The following SYK variants were observed in gnomAD, a reference collection of about 807,000 sequenced individuals.
SYK encodes spleen associated tyrosine kinase.
SYK carries 16 observed loss-of-function variants against 77.8 expected under a neutral mutation model. The ratio of observed to expected loss-of-function variants is 0.21; its 90% confidence interval spans 0.14 to 0.31. SYK has a LOEUF of 0.31. Ranked by LOEUF, SYK falls within the 10% of genes least tolerant of loss-of-function variation. SYK has a pLI of 1.00. For synonymous variants in SYK, 312 were observed against 308.7 expected (o/e 1.01, Z -0.11); for missense variants, 529 against 814.4 (o/e 0.65, Z 4.26).
At chr9:90,810,502 G>A (rs1184706851) in intron 1 of SYK, among the ~76,000 whole-genome samples, 1 of 149,474 alleles carries the variant, frequency 6.7e-6, no homozygotes, top group Non-Finnish European at 1.5e-5. Flanking sequence ...AACTTGGGGG[G>A]ACACAATTCA....
intron 1 of SYK, among the ~76,000 whole-genome samples, chr9:90,817,988 A>C (rs992985275): frequency 6.6e-6 from 1 of 151,996 alleles, no homozygotes; most frequent in Non-Finnish European, 1.5e-5. Flanking sequence ...TCCTCTCTTC[A>C]ACACTCTAAG....
Position 90,862,248 on chromosome 9 carries a change from G to C in SYK, c.621G>C (p.Leu207=), listed in dbSNP as rs766905817. ...ACAACGGCTCCTACGCCCTGTGCCT[G>C]CTGCACGAAGGGAAGGTGCTGCACT... ...RDNNGSYALC[L]LHEGKVLHYR... is the part of the protein sequence containing the mutation. The change falls in exon 4 of 14, where the codon CTG becomes CTC. Residue 207 remains leucine, a synonymous_variant. Transcript: ENST00000375754. 1 of 1,614,062 alleles carries C rather than the reference G, an allele frequency of 6.2e-7. No individual in the cohort carries two copies. The highest frequency in any genetic ancestry group is 2.2e-5 in the East Asian group (1 of 44,878).
intron 1 of SYK, among the ~76,000 whole-genome samples, chr9:90,805,651 T>G (rs939122997): frequency 1.3e-5 from 2 of 152,272 alleles, no homozygotes; most frequent in Admixed American, 6.5e-5. Context: ...TTGGTTTGTC[T>G]TAACTGATAA....
chr9:90,866,055 C>A (rs942455234), intron 6 of SYK, among the ~76,000 whole-genome samples: 2 of 152,022 alleles, frequency 1.3e-5, no homozygotes, highest in Non-Finnish European at 2.9e-5. Flanking sequence ...CCCGCCACAA[C>A]ACCCGGCTAA....
At chr9:90,823,678 T>A (rs1825588179) in intron 1 of SYK, among the ~76,000 whole-genome samples, 2 of 151,944 alleles carry the variant, frequency 1.3e-5, no homozygotes, top group African/African-American at 4.8e-5. Flanking sequence ...CTCCAAAATC[T>A]AAAAAAATAT....
rs1292226869 is a variant in SYK, at chr9:90,843,840, T to C, written c.-41-18T>C. Reference sequence around the variant, plus strand: ...ACGTGGGGTCCTCACCAAAGTTCTCTGTCTCTGTCTTGCCCAGGTGGACAC... The same window carrying C: ...ACGTGGGGTCCTCACCAAAGTTCTCCGTCTCTGTCTTGCCCAGGTGGACAC... On this transcript the variant is annotated intron_variant, in intron 1 of 13. Coordinates refer to ENST00000375754, the MANE Select transcript of SYK (RefSeq NM_003177.7). 1.8e-5 allele frequency: 26 copies of C among 1,416,380 alleles called. No homozygotes were observed. The South Asian group carries it at 3.1e-4, about 17-fold the overall frequency. The allele number at this position is 1,416,380 out of a possible 1,614,324, so 87.7% of individuals were successfully genotyped here. A position where few individuals can be genotyped will look rare whatever the true frequency, so the allele number is the denominator to read the frequency against.
In SYK at chr9:90,845,435, G is replaced by T; in HGVS notation, c.419G>T (p.Gly140Val). Reference protein sequence around the residue: ...EYVKQTWNLQGQALEQAIISQ... With the variant: ...EYVKQTWNLQVQALEQAIISQ... ...TCTGCTTTGCTCTCCATGTGGCAGG[G>T]TCAGGCTCTGGAGCAGGCCATCATC... The change falls in exon 3 of 14, where the codon GGT becomes GTT. Residue 140 changes from glycine to valine, a missense_variant and splice_region_variant. By Grantham distance (109) the Gly-to-Val change is moderately radical. This residue lies in a region of SYK where 321 missense variants were observed against 433.1 expected (regional missense o/e 0.74). Coordinates refer to ENST00000375754, the MANE Select transcript of SYK (RefSeq NM_003177.7). 6.2e-7 allele frequency: 1 copy of T among 1,613,720 alleles called. No individual in the cohort carries two copies. The highest frequency in any genetic ancestry group is 8.5e-7 in the Non-Finnish European group (1 of 1,179,848).
chr9:90,812,741 A>ATGTG (rs759021735), intron 1 of SYK, among the ~76,000 whole-genome samples: 6,051 of 109,696 alleles, frequency 0.055, 335 homozygotes, highest in African/African-American at 0.15. Flanking sequence ...CCCATTTGAT[A>ATGTG]TGTGTGTGTG....
At chr9:90,824,064 G>T (rs1290034702) in intron 1 of SYK, among the ~76,000 whole-genome samples, 2 of 151,584 alleles carry the variant, frequency 1.3e-5, no homozygotes, top group Non-Finnish European at 2.9e-5. Context: ...TGAAGGAAAG[G>T]TCATAACTGT....
At chr9:90,864,144 G>T (rs73506040) in intron 4 of SYK, among the ~76,000 whole-genome samples, 1 of 152,108 alleles carries the variant, frequency 6.6e-6, no homozygotes, top group Non-Finnish European at 1.5e-5. Context: ...GCTATTTCAC[G>T]GAGAGTTGGT....
chr9:90,881,182 T>C (rs1828136204), intron 11 of SYK, among the ~76,000 whole-genome samples: 1 of 152,174 alleles, frequency 6.6e-6, no homozygotes, highest in African/African-American at 2.4e-5. Context: ...ATTCTAAAAC[T>C]GCTGTAGATA....
intron 12 of SYK, among the ~76,000 whole-genome samples, 190 bp from the exon 13 acceptor site, chr9:90,888,325 T>C (rs905185382): frequency 1.3e-5 from 2 of 152,216 alleles, no homozygotes; most frequent in African/African-American, 4.8e-5. Context: ...CTGTTTCCTC[T>C]GCACACACAG....
At position 90,823,815 on chromosome 9, in the gene SYK, T is replaced by C. The variant is rs776752337; in HGVS notation, c.-41-20043T>C. Among the ~76,000 whole-genome samples, 105 of 152,172 alleles carry C rather than the reference T, an allele frequency of 6.9e-4. 1 individual carries two copies. The highest frequency in any genetic ancestry group is 1.3e-3 in the Non-Finnish European group (87 of 67,970). On this transcript the variant is annotated intron_variant, in intron 1 of 13. Transcript: ENST00000375754. ...GTAAAAAATATATAAAGAAAATTACTTGTGATTCTACTTTTAAGAAACTAC... is the reference window on the plus strand; with the variant it reads ...GTAAAAAATATATAAAGAAAATTACCTGTGATTCTACTTTTAAGAAACTAC...
intron 3 of SYK, among the ~76,000 whole-genome samples, chr9:90,846,328 A>G (rs1034808636): frequency 5.9e-5 from 9 of 152,228 alleles, no homozygotes; most frequent in African/African-American, 2.2e-4. Context: ...GTCACCTCTC[A>G]GTGTCCCTAC....
intron 9 of SYK, among the ~76,000 whole-genome samples, chr9:90,877,200 C>T (rs1827969460): frequency 6.6e-6 from 1 of 152,180 alleles, no homozygotes; most frequent in Admixed American, 6.5e-5. Context: ...CAGGCTTGCA[C>T]TGTCACACCT....
In SYK at chr9:90,845,603, C is replaced by G; in HGVS notation, c.578+9C>G. 6.2e-7 allele frequency: 1 copy of G among 1,612,580 alleles called. No homozygotes were observed. Among genetic ancestry groups the G allele is most frequent in the Non-Finnish European group, 8.5e-7 (1 of 1,179,010 alleles). ...ACAAATGGAAAGTTCCTGTGAGTAT[C>G]GTGCCTTCCCCCTCACCTCCTGCCA... On this transcript the variant is annotated intron_variant, in intron 3 of 13. Coordinates refer to ENST00000375754, the MANE Select transcript of SYK (RefSeq NM_003177.7).
At chr9:90,880,179 TA>T (rs1009582027) in intron 11 of SYK, among the ~76,000 whole-genome samples, 2 of 152,090 alleles carry the variant, frequency 1.3e-5, no homozygotes, top group African/African-American at 4.8e-5. Context: ...TGAGTGACAA[TA>T]CCCACCCACT....
At chr9:90,840,943 C>G (rs1826286957) in intron 1 of SYK, among the ~76,000 whole-genome samples, 2 of 152,196 alleles carry the variant, frequency 1.3e-5, no homozygotes, top group Admixed American at 1.3e-4. Flanking sequence ...TTTATAGCCC[C>G]TTGTAGGATA....
intron 1 of SYK, among the ~76,000 whole-genome samples, chr9:90,815,856 C>A (rs145152397): frequency 6.6e-6 from 1 of 152,180 alleles, no homozygotes. Context: ...CAGTTTTGAA[C>A]CCCAGAACCT....
Sources: allele counts gnomAD v4.1 joint callset (sites outside exome capture counted in the v4.1 genomes callset), GRCh38; gene constraint gnomAD v4.1.1; regional missense constraint gnomAD v4.1.1; transcripts MANE v1.5; gene names NCBI Gene and HGNC (gene_info 2026-07-23, HGNC 2026-07-21).